ABCG1: variants seen among roughly 807,000 people sequenced by gnomAD.
ABCG1 encodes ATP-binding cassette sub-family G member 1.
Under a neutral mutation model 69.2 loss-of-function variants are expected in ABCG1, and 29 were observed. The observed-to-expected ratio is 0.42, with a 90% CI of 0.31 to 0.57. The LOEUF (loss-of-function observed/expected upper bound fraction) is 0.57. Ranked by LOEUF, ABCG1 falls within the 20% of genes least tolerant of loss-of-function variation. The pLI, the probability that ABCG1 is intolerant of heterozygous loss-of-function variation, is 0.15. For missense variants in ABCG1, 718 were observed against 898.1 expected (o/e 0.80, Z 2.56); for synonymous variants, 370 against 374.8 (o/e 0.99, Z 0.15).
At chr21:42,259,500 CTCAAG>C in intron 2 of ABCG1, 1 of 1,546,902 alleles carries the variant, frequency 6.5e-7, no homozygotes, top group Non-Finnish European at 8.7e-7. Flanking sequence ...CAACCGTCCA[CTCAAG>C]GTGCATTGAC....
intron 2 of ABCG1, among the ~76,000 whole-genome samples, chr21:42,205,634 G>A (rs2067537197): frequency 6.7e-6 from 1 of 150,244 alleles, no homozygotes; most frequent in African/African-American, 2.4e-5. Flanking sequence ...ACAATTTATT[G>A]ATTATTTCTA....
intron 1 of ABCG1, among the ~76,000 whole-genome samples, chr21:42,200,658 G>A (rs1462080995): frequency 6.7e-6 from 1 of 149,700 alleles, no homozygotes; most frequent in East Asian, 2.0e-4. Flanking sequence ...GCATGATCTC[G>A]GCTCACTGCA....
chr21:42,241,001 GC>G, intron 2 of ABCG1, among the ~76,000 whole-genome samples: 1 of 152,400 alleles, frequency 6.6e-6, no homozygotes, highest in Admixed American at 6.5e-5. Context: ...CAGGGCATGG[GC>G]AGACCCTCTG....
chr21:42,271,083 C>A lies in ABCG1; in HGVS notation c.300C>A (p.Leu100=). ...GCTTTTTTGCAGGATACAAGACCCT[C>A]CTGAAAGGAATTTCCGGGAAGTTCA... ...PWWRKKGYKT[L]LKGISGKFNS... The change falls in exon 3 of 15, where the codon CTC becomes CTA. Residue 100 remains leucine (L), a synonymous_variant. Coordinates refer to ENST00000398449, the MANE Select transcript of ABCG1 (RefSeq NM_016818.3). The A allele has an allele frequency of 6.4e-7, 1 of 1,552,316 alleles. No homozygotes were observed. The highest frequency in any genetic ancestry group is 8.7e-7 in the Non-Finnish European group (1 of 1,153,796).
chr21:42,219,713 C>T lies in ABCG1; in HGVS notation c.42+409C>T. ...AGAGGGGACTTGAAGAAGGGGAGCC[C>T]CGCGCGCGCGGCTGTGGGCTTGGGG... On this transcript the variant is annotated intron_variant, in intron 1 of 14. Coordinates refer to ENST00000398449, the MANE Select transcript of ABCG1 (RefSeq NM_016818.3). The surrounding 1 kb of genome is among the most constrained non-coding windows in gnomAD (Gnocchi z 5.3). 1 of 1,027,118 alleles carries T rather than the reference C, an allele frequency of 9.7e-7. No homozygotes were observed. The highest frequency in any genetic ancestry group is 1.6e-5 in the African/African-American group (1 of 60,730). 63.6% of individuals were successfully genotyped at this position (1,027,118 alleles called of 1,614,324 possible). A position where few individuals can be genotyped will look rare whatever the true frequency, so the allele number is the denominator to read the frequency against.
chr21:42,215,977 C>A (rs2067635256), upstream of ABCG1: 1 of 233,814 alleles, frequency 4.3e-6, no homozygotes, highest in African/African-American at 2.3e-5. Context: ...ATAATTCCCA[C>A]ATGTTGTAGG....
intron 8 of ABCG1, among the ~76,000 whole-genome samples, chr21:42,286,506 G>A (rs566005538): frequency 1.3e-5 from 2 of 152,308 alleles, no homozygotes; most frequent in African/African-American, 4.8e-5. Flanking sequence ...GTTCACGGAC[G>A]TGCCTCTCAC....
At chr21:42,202,860 G>A (rs1298385159) in intron 2 of ABCG1, among the ~76,000 whole-genome samples, 1 of 152,078 alleles carries the variant, frequency 6.6e-6, no homozygotes, top group Non-Finnish European at 1.5e-5. Flanking sequence ...CGATCCTCTG[G>A]CCTCAGCCTC....
Position 42,219,297 on chromosome 21 carries a change from C to A in ABCG1, c.35C>A (p.Thr12Asn). ...CTGATGGCCGCTTTCTCGGTCGGCA[C>A]CGCCATGGTGAGTGAGCGCATCCTT... ...ACLMAAFSVG[T>N]AMNASSYSAE... The change falls in exon 1 of 15, where the codon ACC becomes AAC. Residue 12 changes from threonine to asparagine, a missense_variant. Transcript: ENST00000398449. The surrounding 1 kb of genome is among the most constrained non-coding windows in gnomAD (Gnocchi z 5.3). 6.3e-7 allele frequency: 1 copy of A among 1,595,848 alleles called. No homozygotes were observed. Among genetic ancestry groups the A allele is most frequent in the Admixed American group, 1.7e-5 (1 of 58,990 alleles).
chr21:42,286,297 C>T (rs1021903101), intron 8 of ABCG1, among the ~76,000 whole-genome samples: 1 of 152,190 alleles, frequency 6.6e-6, no homozygotes, highest in African/African-American at 2.4e-5. Flanking sequence ...TGATTCATCT[C>T]AAGATCCTAA....
intron 6 of ABCG1, among the ~76,000 whole-genome samples, chr21:42,284,278 A>C (rs1205281808): frequency 6.6e-6 from 1 of 150,780 alleles, no homozygotes; most frequent in Non-Finnish European, 1.5e-5. Flanking sequence ...TGCCCAGATG[A>C]GTGGGGACCC....
intron 2 of ABCG1, among the ~76,000 whole-genome samples, chr21:42,207,181 T>C (rs1339072327): frequency 1.3e-5 from 2 of 152,202 alleles, no homozygotes; most frequent in Non-Finnish European, 2.9e-5. Context: ...CTTTGATTAC[T>C]TTTTAACCCC....
At chr21:42,253,676 G>A (rs917403815) in intron 2 of ABCG1, among the ~76,000 whole-genome samples, 11 of 152,068 alleles carry the variant, frequency 7.2e-5, no homozygotes, top group African/African-American at 2.7e-4. Flanking sequence ...TGACGTCACC[G>A]TGCCACTGTG....
intron 2 of ABCG1, among the ~76,000 whole-genome samples, chr21:42,205,428 GTC>G (rs1460308497): frequency 2.6e-5 from 4 of 152,014 alleles, no homozygotes; most frequent in Non-Finnish European, 4.4e-5. Flanking sequence ...GTAAAAACCT[GTC>G]TCTACTAAAA....
intron 2 of ABCG1, among the ~76,000 whole-genome samples, chr21:42,264,053 C>T (rs1379380143): frequency 1.3e-5 from 2 of 152,208 alleles, no homozygotes; most frequent in East Asian, 1.9e-4. Flanking sequence ...TTCTCAGGGC[C>T]TCCAGGGCAG....
At chr21:42,285,803 G>T in intron 7 of ABCG1, 77 bp from the exon 8 acceptor site, 1 of 942,852 alleles carries the variant, frequency 1.1e-6, no homozygotes, top group South Asian at 1.3e-5. Context: ...TTGATTGGTT[G>T]ATTGATTGAT....
At chr21:42,238,737 A>G (rs1169692264) in intron 2 of ABCG1, among the ~76,000 whole-genome samples, 2 of 152,202 alleles carry the variant, frequency 1.3e-5, no homozygotes, top group Non-Finnish European at 2.9e-5. Context: ...GTGAGATGTT[A>G]TCAGCTCCTG....
At chr21:42,247,049 T>C (rs1345348907) in intron 2 of ABCG1, among the ~76,000 whole-genome samples, 1 of 152,238 alleles carries the variant, frequency 6.6e-6, no homozygotes, top group African/African-American at 2.4e-5. Context: ...GTATATGAAC[T>C]ATTATAAACT....
At chr21:42,229,887 A>T (rs1247746897) in intron 2 of ABCG1, among the ~76,000 whole-genome samples, 1 of 152,218 alleles carries the variant, frequency 6.6e-6, no homozygotes, top group African/African-American at 2.4e-5. Context: ...CATTACAAAG[A>T]CACTGGACCA....
Sources: allele counts gnomAD v4.1 joint callset (sites outside exome capture counted in the v4.1 genomes callset), GRCh38; gene constraint gnomAD v4.1.1; non-coding constraint Gnocchi (gnomAD v3.1); transcripts MANE v1.5; gene names NCBI Gene and HGNC (gene_info 2026-07-23, HGNC 2026-07-21).